The following ASB18 variants were observed in gnomAD, a reference collection of about 807,000 sequenced individuals.
ASB18 encodes the protein ankyrin repeat and SOCS box protein 18.
In ASB18, 33 loss-of-function variants were observed where a neutral mutation model predicts 33.4. The observed-to-expected ratio is 0.99, with a 90% CI of 0.75 to 1.32. The LOEUF (loss-of-function observed/expected upper bound fraction) is 1.32, where lower values mean the gene tolerates loss of function less well. Ranked by LOEUF, ASB18 falls within the 40% of genes most tolerant of loss-of-function variation. ASB18 has a pLI of 0.00. For missense variants in ASB18, 694 were observed against 655.5 expected (o/e 1.06, Z -0.64); for synonymous variants, 295 against 307.6 (o/e 0.96, Z 0.43).
At position 236,237,723 on chromosome 2, in the gene ASB18, G is replaced by T; in HGVS notation, c.562C>A (p.Pro188Thr). ...PDLLSAEGLA[P>T]LHLCRTAASL... Reference sequence around the variant, plus strand: ...GCGGCCGTGCGGCAGAGGTGCAGAGGCGCCAGGCCCTCGGCGCTGAGCAGG... The same window carrying T: ...GCGGCCGTGCGGCAGAGGTGCAGAGTCGCCAGGCCCTCGGCGCTGAGCAGG... Residue 188 changes from proline to threonine, a missense_variant, in exon 3 of 6, where the codon CCT (proline) becomes ACT (threonine). Physicochemically the swap from Pro to Thr is conservative, Grantham distance 38. Coordinates refer to ENST00000409749, the MANE Select transcript of ASB18 (RefSeq NM_212556.4). This position sits in a 1 kb window ranked among gnomAD's most constrained non-coding sequence, Gnocchi z 6.2. 6.8e-7 allele frequency: 1 copy of T among 1,460,798 alleles called. No individual in the cohort carries two copies. Among genetic ancestry groups the T allele is most frequent in the Non-Finnish European group, 9.0e-7 (1 of 1,112,428 alleles). 90.5% of individuals were successfully genotyped at this position (1,460,798 alleles called of 1,614,324 possible).
In ASB18 at chr2:236,217,838, A is replaced by G. The variant is rs2060494780; in HGVS notation, c.597-2972T>C. On this transcript the variant is annotated intron_variant, in intron 3 of 5. Transcript: ENST00000409749. This position sits in a 1 kb window ranked among gnomAD's most constrained non-coding sequence, Gnocchi z 5.2. ...CTTTGGGACCAGGACTGGCTAAGGG[A>G]GGATGCAAATTTTACAGTCAGAGCG... Among the ~76,000 whole-genome samples, 1 of 152,174 alleles carries G rather than the reference A, an allele frequency of 6.6e-6. No homozygotes were observed. The highest frequency in any genetic ancestry group is 1.5e-5 in the Non-Finnish European group (1 of 68,028).
Position 236,245,753 on chromosome 2 carries a change from T to C in ASB18, c.206-4351A>G, listed in dbSNP as rs2060641769. On this transcript the variant is annotated intron_variant, in intron 1 of 5. Transcript: ENST00000409749. This position sits in a 1 kb window ranked among gnomAD's most constrained non-coding sequence, Gnocchi z 4.7. ...TTGGAGGACGGTGGGGGCTGCTGCTTCCTCTCTGGGAAGTTCTTCATGCCC... is the reference window on the plus strand; with the variant it reads ...TTGGAGGACGGTGGGGGCTGCTGCTCCCTCTCTGGGAAGTTCTTCATGCCC... 6.6e-6 allele frequency among the ~76,000 whole-genome samples: 1 copy of C among 152,188 alleles called. No individual in the cohort carries two copies. The highest frequency in any genetic ancestry group is 2.4e-5 in the African/African-American group (1 of 41,448).
chr2:236,194,997 G>C lies in ASB18; in HGVS notation c.1276C>G (p.His426Asp). Residue 426 changes from histidine to aspartate, a missense_variant, in exon 6 of 6, where the codon CAT becomes GAT. By Grantham distance (81) the His-to-Asp change is moderately conservative. Coordinates refer to ENST00000409749, the MANE Select transcript of ASB18 (RefSeq NM_212556.4). The surrounding 1 kb of genome is among the most constrained non-coding windows in gnomAD (Gnocchi z 4.5). ...CTGCGAAGAGCACAGCGGCAAAGATGCTGCAGGCAGCGTGGGGTGAGGGCC... is the reference window on the plus strand; with the variant it reads ...CTGCGAAGAGCACAGCGGCAAAGATCCTGCAGGCAGCGTGGGGTGAGGGCC... The part of the protein sequence containing the change: ...ALALTPRCLQ[H>D]LCRCALRRLF... The C allele has an allele frequency of 6.2e-7, 1 of 1,613,890 alleles. No individual in the cohort carries two copies. Among genetic ancestry groups the C allele is most frequent in the Non-Finnish European group, 8.5e-7 (1 of 1,179,862 alleles).
rs1309076225 is a variant in ASB18, at chr2:236,259,669, G to A, written c.205+4472C>T. The A allele has an allele frequency of 2.2e-6, 1 of 453,932 alleles. No individual in the cohort carries two copies. Among genetic ancestry groups the A allele is most frequent in the African/African-American group, 2.0e-5 (1 of 49,892 alleles). The allele number at this position is 453,932 out of a possible 1,614,324, so 28.1% of individuals were successfully genotyped here. A position where few individuals can be genotyped will look rare whatever the true frequency, so the allele number is the denominator to read the frequency against. ...ATGGGGATGCTGACTGTAGAGCGTG[G>A]GGGGCTCAGCCTCAGTGAGCCCAGC... On this transcript the variant is annotated intron_variant, in intron 1 of 5. Coordinates refer to ENST00000409749, the MANE Select transcript of ASB18 (RefSeq NM_212556.4). The surrounding 1 kb of genome is among the most constrained non-coding windows in gnomAD (Gnocchi z 4.4).
chr2:236,225,884 A>T lies in ASB18; in HGVS notation c.597-11018T>A, dbSNP rs2060535169. On this transcript the variant is annotated intron_variant, in intron 3 of 5. Transcript: ENST00000409749. This position sits in a 1 kb window ranked among gnomAD's most constrained non-coding sequence, Gnocchi z 5.1. ...CGAATTGCCAACTAAAAGGGGATGG[A>T]GCAGAACGGGGTCCCTAGGTGTGGA... Among the ~76,000 whole-genome samples, 2 of 152,026 alleles carry T rather than the reference A, an allele frequency of 1.3e-5. No homozygotes were observed. The highest frequency in any genetic ancestry group is 4.2e-4 in the South Asian group (2 of 4,814).
chr2:236,236,757 A>G (rs2060591266), intron 3 of ASB18, among the ~76,000 whole-genome samples: 1 of 149,584 alleles, frequency 6.7e-6, no homozygotes, highest in South Asian at 2.1e-4. Context: ...CAGTCGGTGG[A>G]GAAGCAGCAA....
At position 236,217,033 on chromosome 2, in the gene ASB18, C is replaced by T. The variant is rs1013551369; in HGVS notation, c.597-2167G>A. ...CCTTCCTCTTGGAAGCCTTCCTGTG[C>T]CACCAGGTAGAGGGGTCACACCTCT... On this transcript the variant is annotated intron_variant, in intron 3 of 5. Coordinates refer to ENST00000409749, the MANE Select transcript of ASB18 (RefSeq NM_212556.4). This position sits in a 1 kb window ranked among gnomAD's most constrained non-coding sequence, Gnocchi z 5.2. Among the ~76,000 whole-genome samples the T allele has an allele frequency of 1.5e-4, 23 of 152,186 alleles. No individual in the cohort carries two copies. Among genetic ancestry groups the T allele is most frequent in the African/African-American group, 5.5e-4 (23 of 41,446 alleles).
Position 236,214,689 on chromosome 2 carries a change from C to A in ASB18, c.774G>T (p.Ala258=), listed in dbSNP as rs1319736587. ...RNGRGETALS[A]ACGAARRPDE... ...CGGGCCTCCGCGCCGCACCGCAGGC[C>A]GCGCTCAGAGCCGTCTCTCCGCGGC... Residue 258 remains alanine (A), a synonymous_variant, in exon 4 of 6, where the codon GCG becomes GCT. Transcript: ENST00000409749. This position sits in a 1 kb window ranked among gnomAD's most constrained non-coding sequence, Gnocchi z 6.5. 6 of 1,144,496 alleles carry A rather than the reference C, an allele frequency of 5.2e-6. No individual in the cohort carries two copies. The African/African-American group carries it at 8.3e-5, about 16-fold the overall frequency. The allele number at this position is 1,144,496 out of a possible 1,614,324, so 70.9% of individuals were successfully genotyped here.
Position 236,239,383 on chromosome 2 carries a change from A to G in ASB18, c.329-1427T>C, listed in dbSNP as rs1163630124. 6.7e-6 allele frequency among the ~76,000 whole-genome samples: 1 copy of G among 149,978 alleles called. No homozygotes were observed. The highest frequency in any genetic ancestry group is 1.5e-5 in the Non-Finnish European group (1 of 67,504). On this transcript the variant is annotated intron_variant, in intron 2 of 5. Transcript: ENST00000409749. This position sits in a 1 kb window ranked among gnomAD's most constrained non-coding sequence, Gnocchi z 5.6. ...CCATAGGTGGGGATCTAGCTCAGCC[A>G]CAGTGTGGGCCAGCACCGTCTCCAG... is the stretch of plus-strand genomic sequence containing the variant.
intron 4 of ASB18, among the ~76,000 whole-genome samples, chr2:236,210,035 C>T (rs1231938404): frequency 2.0e-5 from 3 of 152,358 alleles, no homozygotes; most frequent in Middle Eastern, 3.4e-3. Flanking sequence ...AACCCCTGTT[C>T]TGTGCTTTCA....
rs1300922400 is a variant in ASB18 at position 236,216,115 on chromosome 2, A to AC, written c.597-1250dup. On this transcript the variant is annotated intron_variant, in intron 3 of 5. Transcript: ENST00000409749. The surrounding 1 kb of genome is among the most constrained non-coding windows in gnomAD (Gnocchi z 6.1). The stretch of plus-strand genomic sequence containing the variant: ...ATCTTCAAGCCGGAGTCCATTCTTC[A>AC]CCCCCCTCCTTTTCTCTGCGGGTCT... 4.0e-5 allele frequency among the ~76,000 whole-genome samples: 6 copies of AC among 150,506 alleles called. No homozygotes were observed. The highest frequency in any genetic ancestry group is 2.0e-4 in the East Asian group (1 of 5,100).
At position 236,221,394 on chromosome 2, in the gene ASB18, T is replaced by G. The variant is rs1302641146; in HGVS notation, c.597-6528A>C. Among the ~76,000 whole-genome samples, 1 of 152,216 alleles carries G rather than the reference T, an allele frequency of 6.6e-6. No individual in the cohort carries two copies. The highest frequency in any genetic ancestry group is 2.4e-5 in the African/African-American group (1 of 41,472). On this transcript the variant is annotated intron_variant, in intron 3 of 5. Transcript: ENST00000409749. The surrounding 1 kb of genome is among the most constrained non-coding windows in gnomAD (Gnocchi z 5.6). The stretch of plus-strand genomic sequence containing the variant: ...TTGTGTCCCCACCCAAATCTCACCT[T>G]GAGTTTTACTCCCATAATTCCCATG...
Position 236,225,559 on chromosome 2 carries a change from G to A in ASB18, c.597-10693C>T, listed in dbSNP as rs941568236. 4.6e-5 allele frequency among the ~76,000 whole-genome samples: 7 copies of A among 152,166 alleles called. No homozygotes were observed. Among genetic ancestry groups the A allele is most frequent in the East Asian group, 1.9e-4 (1 of 5,194 alleles). ...CTATAGACAAGAAAAAGAATAGGGC[G>A]TCAACACATTCTTTTCTTATTTTAA... On this transcript the variant is annotated intron_variant, in intron 3 of 5. Coordinates refer to ENST00000409749, the MANE Select transcript of ASB18 (RefSeq NM_212556.4). The surrounding 1 kb of genome is among the most constrained non-coding windows in gnomAD (Gnocchi z 5.1).
intron 1 of ASB18, among the ~76,000 whole-genome samples, chr2:236,261,707 C>T (rs561447947): frequency 1.2e-4 from 18 of 152,300 alleles, no homozygotes; most frequent in Middle Eastern, 3.4e-3. Flanking sequence ...CTGATAAAGA[C>T]ATACCAGAGA....
In ASB18 at chr2:236,215,841, C is replaced by T. The variant is rs1216101984; in HGVS notation, c.597-975G>A. Among the ~76,000 whole-genome samples the T allele has an allele frequency of 1.3e-5, 2 of 152,134 alleles. No homozygotes were observed. The highest frequency in any genetic ancestry group is 2.1e-4 in the South Asian group (1 of 4,828). On this transcript the variant is annotated intron_variant, in intron 3 of 5. Coordinates refer to ENST00000409749, the MANE Select transcript of ASB18 (RefSeq NM_212556.4). This position sits in a 1 kb window ranked among gnomAD's most constrained non-coding sequence, Gnocchi z 7.2. ...CATAGTCACCTGCCATCGATAAGGC[C>T]GCTCCAGCCTTGGAAGTCTGCAAAC...
rs909276291 is a variant in ASB18 at position 236,200,712 on chromosome 2, T to C, written c.1102-4327A>G. ...TGAGGTCCATACGGATCCATAAAGGTGGAAGGAAGAGATCTTCACTCTATC... is the reference window on the plus strand; with the variant it reads ...TGAGGTCCATACGGATCCATAAAGGCGGAAGGAAGAGATCTTCACTCTATC... On this transcript the variant is annotated intron_variant, in intron 4 of 5. Coordinates refer to ENST00000409749, the MANE Select transcript of ASB18 (RefSeq NM_212556.4). The surrounding 1 kb of genome is among the most constrained non-coding windows in gnomAD (Gnocchi z 4.2). Among the ~76,000 whole-genome samples, 2 of 151,984 alleles carry C rather than the reference T, an allele frequency of 1.3e-5. No homozygotes were observed. Among genetic ancestry groups the C allele is most frequent in the Non-Finnish European group, 2.9e-5 (2 of 67,994 alleles).
In ASB18 at chr2:236,252,651, ACAGGTG is replaced by A. The variant is rs1308071760; in HGVS notation, c.206-11255_206-11250del. Among the ~76,000 whole-genome samples the A allele has an allele frequency of 6.6e-6, 1 of 152,170 alleles. No individual in the cohort carries two copies. The highest frequency in any genetic ancestry group is 1.9e-4 in the East Asian group (1 of 5,190). On this transcript the variant is annotated intron_variant, in intron 1 of 5. Transcript: ENST00000409749. This position sits in a 1 kb window ranked among gnomAD's most constrained non-coding sequence, Gnocchi z 7.9. ...GCCACCATGCTATGGCGCATGGGAC[ACAGGTG>A]CAGTCAGGAAGGCAGCCAGCCCTTT...
rs2106272821 is a variant in ASB18 at position 236,223,042 on chromosome 2, C to T, written c.597-8176G>A. On this transcript the variant is annotated intron_variant, in intron 3 of 5. Transcript: ENST00000409749. This position sits in a 1 kb window ranked among gnomAD's most constrained non-coding sequence, Gnocchi z 4.6. ...CTCCAAAAAAAGGTGTGTGACACCC[C>T]CCATCCCTGTTCCTGCTTTCACTGT... 6.6e-6 allele frequency among the ~76,000 whole-genome samples: 1 copy of T among 152,176 alleles called. No individual in the cohort carries two copies. Among genetic ancestry groups the T allele is most frequent in the South Asian group, 2.1e-4 (1 of 4,820 alleles).
intron 4 of ASB18, among the ~76,000 whole-genome samples, chr2:236,199,148 A>G (rs904740102): frequency 1.3e-5 from 2 of 152,210 alleles, no homozygotes; most frequent in Non-Finnish European, 2.9e-5. Context: ...GTGGTGGCTC[A>G]TGCCTGTAAT....
Sources: allele counts gnomAD v4.1 joint callset (sites outside exome capture counted in the v4.1 genomes callset), GRCh38; gene constraint gnomAD v4.1.1; non-coding constraint Gnocchi (gnomAD v3.1); transcripts MANE v1.5; gene names NCBI Gene and HGNC (gene_info 2026-07-23, HGNC 2026-07-21).